EXOC5: variants seen among roughly 807,000 people sequenced by gnomAD.
EXOC5 encodes exocyst complex component 5.
A neutral mutation model predicts 90.8 loss-of-function variants in EXOC5; 17 were observed. That is an observed-to-expected ratio of 0.19 (90% CI 0.13 to 0.28). The LOEUF (loss-of-function observed/expected upper bound fraction) is 0.28, where lower values mean the gene tolerates loss of function less well. Ranked by LOEUF, EXOC5 falls within the 10% of genes least tolerant of loss-of-function variation. The probability of loss-of-function intolerance (pLI) is 1.00; values close to 1 mark genes in which losing one functional copy is unlikely to be tolerated. For synonymous variants in EXOC5, 260 were observed against 270.0 expected, an observed-to-expected ratio of 0.96 and a Z score of 0.36; for missense variants, 569 against 830.6, an observed-to-expected ratio of 0.69 and a Z score of 3.87.
intron 15 of EXOC5, among the ~76,000 whole-genome samples, chr14:57,216,366 A>G (rs1882973748): frequency 6.6e-6 from 1 of 152,194 alleles, no homozygotes; most frequent in South Asian, 2.1e-4. Context: ...AACTGGAAGC[A>G]TCGTACTTCT....
rs1884780600 is a variant in EXOC5, at chr14:57,268,705, C to T, written c.-57G>A. 52 of 1,553,776 alleles carry T rather than the reference C, an allele frequency of 3.3e-5. No individual in the cohort carries two copies. Among genetic ancestry groups the T allele is most frequent in the Non-Finnish European group, 4.5e-5 (52 of 1,158,836 alleles). ...GATGCCGTCTCCGCTTCACATGCTGCGCCTCAGAGGCGCGGCGCACAGGTC... is the reference window on the plus strand; with the variant it reads ...GATGCCGTCTCCGCTTCACATGCTGTGCCTCAGAGGCGCGGCGCACAGGTC... On this transcript the variant is annotated 5_prime_UTR_variant, in exon 1 of 18. Coordinates refer to ENST00000621441, the MANE Select transcript of EXOC5 (RefSeq NM_006544.4).
At chr14:57,253,008 T>C (rs1395993320) in intron 1 of EXOC5, among the ~76,000 whole-genome samples, 1 of 152,084 alleles carries the variant, frequency 6.6e-6, no homozygotes, top group African/African-American at 2.4e-5. Context: ...CAGGAGAACA[T>C]TATATTAAGT....
At chr14:57,255,692 G>T (rs962405638) in intron 1 of EXOC5, among the ~76,000 whole-genome samples, 2 of 152,036 alleles carry the variant, frequency 1.3e-5, no homozygotes, top group Non-Finnish European at 2.9e-5. Flanking sequence ...AATTAGCTGG[G>T]TTGGTGGTGG....
rs140653428 is a variant in EXOC5 at position 57,264,860 on chromosome 14, T to A, written c.27+3762A>T. 4.4e-3 allele frequency among the ~76,000 whole-genome samples: 676 copies of A among 152,276 alleles called. 8 individuals carry two copies. The highest frequency in any genetic ancestry group is 0.015 in the African/African-American group (630 of 41,542). On this transcript the variant is annotated intron_variant, in intron 1 of 17. Transcript: ENST00000621441. ...CCATTTATAACCTTATTTTTAAGAG[T>A]ATAGTATCATATATCCACCTTCTCT...
intron 6 of EXOC5, among the ~76,000 whole-genome samples, chr14:57,236,766 G>A (rs955651793): frequency 1.3e-5 from 2 of 151,996 alleles, no homozygotes; most frequent in African/African-American, 4.8e-5. Context: ...TCTAAATAGT[G>A]ACCCCAGCTA....
At chr14:57,262,686 A>C (rs372561549) in intron 1 of EXOC5, among the ~76,000 whole-genome samples, 1 of 133,620 alleles carries the variant, frequency 7.5e-6, no homozygotes, top group Admixed American at 7.4e-5. Context: ...ATATACATTA[A>C]GTATATATGT....
intron 4 of EXOC5, among the ~76,000 whole-genome samples, chr14:57,242,738 G>C: frequency 6.6e-6 from 1 of 152,040 alleles, no homozygotes; most frequent in Non-Finnish European, 1.5e-5. Context: ...AGACAGCTAG[G>C]AGTTTATCTA....
intron 1 of EXOC5, among the ~76,000 whole-genome samples, chr14:57,264,279 T>C (rs1251872550): frequency 6.6e-6 from 1 of 152,242 alleles, no homozygotes; most frequent in African/African-American, 2.4e-5. Flanking sequence ...GTGTATCTCA[T>C]GTTCGTTAGT....
At chr14:57,229,673 A>C in intron 12 of EXOC5, 61 bp downstream of exon 12, 1 of 1,262,530 alleles carries the variant, frequency 7.9e-7, no homozygotes, top group Non-Finnish European at 1.1e-6. Context: ...TTCTGGAATC[A>C]ATTCCCCACA....
intron 4 of EXOC5, among the ~76,000 whole-genome samples, chr14:57,242,834 T>C (rs1045286594): frequency 1.3e-5 from 2 of 152,170 alleles, no homozygotes; most frequent in African/African-American, 4.8e-5. Context: ...TGCAAAGATA[T>C]GGAACCAACC....
Position 57,203,014 on chromosome 14 carries a change from C to T in EXOC5, c.*5595G>A, listed in dbSNP as rs927171243. ...CCCCCATGTTATCCTCTAAATGGTA[C>T]ACAGTATTCACAAACAATATGCTTA... On this transcript the variant is annotated 3_prime_UTR_variant, in exon 18 of 18. Transcript: ENST00000621441. The T allele has an allele frequency of 6.6e-6, 1 of 152,158 alleles. No individual in the cohort carries two copies. The highest frequency in any genetic ancestry group is 2.4e-5 in the African/African-American group (1 of 41,428). The allele number at this position is 152,158 out of a possible 1,614,324, so 9.4% of individuals were successfully genotyped here.
chr14:57,202,640 CAT>C lies in EXOC5; in HGVS notation c.*5967_*5968del, dbSNP rs1224263271. On this transcript the variant is annotated 3_prime_UTR_variant, in exon 18 of 18. Transcript: ENST00000621441. ...TCAATGTGATATATAACTAAGAAAA[CAT>C]AATGTTAATCATGGTAAACTTTGTT... is the stretch of plus-strand genomic sequence containing the variant. 1 of 152,086 alleles carries C rather than the reference CAT, an allele frequency of 6.6e-6. No individual in the cohort carries two copies. Among genetic ancestry groups the C allele is most frequent in the Non-Finnish European group, 1.5e-5 (1 of 68,008 alleles). The allele number at this position is 152,086 out of a possible 1,614,324, so 9.4% of individuals were successfully genotyped here.
intron 4 of EXOC5, among the ~76,000 whole-genome samples, chr14:57,240,927 A>G (rs1458595591): frequency 6.6e-6 from 1 of 152,044 alleles, no homozygotes; most frequent in East Asian, 1.9e-4. Flanking sequence ...ATCTTGGCTC[A>G]CTACAATCTC....
intron 13 of EXOC5, among the ~76,000 whole-genome samples, chr14:57,220,182 G>A (rs146721904): frequency 7.2e-4 from 109 of 151,382 alleles, no homozygotes; most frequent in Admixed American, 1.1e-3. Flanking sequence ...CTTAATAATG[G>A]AAAACAAAGG....
chr14:57,208,888 G>A (rs1882739092), intron 17 of EXOC5, 91 bp from the exon 18 acceptor site: 1 of 782,164 alleles, frequency 1.3e-6, no homozygotes, highest in Non-Finnish European at 2.0e-6. Flanking sequence ...TGTCAGGTGG[G>A]ACTTACTAGT....
intron 12 of EXOC5, among the ~76,000 whole-genome samples, chr14:57,228,141 A>T (rs979444695): frequency 6.6e-6 from 1 of 152,178 alleles, no homozygotes; most frequent in African/African-American, 2.4e-5. Flanking sequence ...TGCAAATCAA[A>T]ACCACAATGA....
chr14:57,246,610 G>A, intron 3 of EXOC5, 101 bp downstream of exon 3: 1 of 982,934 alleles, frequency 1.0e-6, no homozygotes. Context: ...AATCTTGACA[G>A]TTACTATCAT....
chr14:57,255,178 C>T (rs766686244), intron 1 of EXOC5, among the ~76,000 whole-genome samples: 8 of 152,144 alleles, frequency 5.3e-5, no homozygotes, highest in Non-Finnish European at 1.2e-4. Flanking sequence ...CTTACCAAGG[C>T]TGATCCAGCT....
At chr14:57,264,924 A>G (rs779335785) in intron 1 of EXOC5, among the ~76,000 whole-genome samples, 31 of 152,130 alleles carry the variant, frequency 2.0e-4, no homozygotes, top group Non-Finnish European at 3.8e-4. Context: ...ACTTAATTCT[A>G]TTTTCCAAAA....
Sources: allele counts gnomAD v4.1 joint callset (sites outside exome capture counted in the v4.1 genomes callset), GRCh38; gene constraint gnomAD v4.1.1; transcripts MANE v1.5; gene names NCBI Gene and HGNC (gene_info 2026-07-23, HGNC 2026-07-21).